ZFHX3: variants seen among roughly 807,000 people sequenced by gnomAD.
ZFHX3 encodes the protein zinc finger homeobox protein 3.
Under a neutral mutation model 279.1 loss-of-function variants are expected in ZFHX3, and 42 were observed. The observed-to-expected ratio is 0.15, with a 90% CI of 0.12 to 0.19. The LOEUF (loss-of-function observed/expected upper bound fraction) is 0.19, where lower values mean the gene tolerates loss of function less well. Ranked by LOEUF, ZFHX3 falls within the 10% of genes least tolerant of loss-of-function variation. The probability of loss-of-function intolerance (pLI) is 1.00; values close to 1 mark genes in which losing one functional copy is unlikely to be tolerated. For synonymous variants in ZFHX3, 2,293 were observed against 1,957.8 expected (o/e 1.17, Z -4.52); for missense variants, 4,981 against 4,754.0 (o/e 1.05, Z -1.40).
At chr16:72,874,197 G>A (rs971630732) in intron 4 of ZFHX3, among the ~76,000 whole-genome samples, 2 of 89,698 alleles carry the variant, frequency 2.2e-5, no homozygotes, top group Non-Finnish European at 4.1e-5. Flanking sequence ...AGGATTTTTT[G>A]ATTTTTTTTT....
intron 5 of ZFHX3, among the ~76,000 whole-genome samples, chr16:73,190,775 C>T (rs930168311): frequency 8.5e-5 from 13 of 152,140 alleles, no homozygotes; most frequent in African/African-American, 2.9e-4. Flanking sequence ...ATTAATCAGA[C>T]TCCAAGGTCA....
intron 1 of ZFHX3, among the ~76,000 whole-genome samples, chr16:73,709,676 A>G (rs2053338873): frequency 6.6e-6 from 1 of 152,204 alleles, no homozygotes; most frequent in Admixed American, 6.5e-5. Flanking sequence ...TCAGTTAGGA[A>G]GAATAACTTC....
rs1409651424 is a variant in ZFHX3, at chr16:72,795,133, G to A, written c.7549C>T (p.Pro2517Ser). Residue 2517 changes from proline (P) to serine (S), a missense_variant, in exon 9 of 10, where the codon CCT becomes TCT. Around this residue, in one of 7 missense-constraint regions of ZFHX3, gnomAD observed 744 missense variants for 701.3 expected, o/e 1.06. Coordinates refer to ENST00000268489, the MANE Select transcript of ZFHX3 (RefSeq NM_006885.4). Reference sequence around the variant, plus strand: ...GGAGGTAGGTTTGCGAGCTGTTGAGGAGTTGATGTGTGGAGGGGCTTGAGG... The same window carrying A: ...GGAGGTAGGTTTGCGAGCTGTTGAGAAGTTGATGTGTGGAGGGGCTTGAGG... ...LPLKPLHTST[P>S]QQLANLPPQL... 3 of 1,613,920 alleles carry A rather than the reference G, an allele frequency of 1.9e-6. No individual in the cohort carries two copies. Among genetic ancestry groups the A allele is most frequent in the South Asian group, 1.1e-5 (1 of 91,036 alleles).
intron 1 of ZFHX3, among the ~76,000 whole-genome samples, chr16:73,849,477 A>G (rs761912004): frequency 6.6e-6 from 1 of 152,210 alleles, no homozygotes; most frequent in Non-Finnish European, 1.5e-5. Context: ...GTGATCGATT[A>G]TACAATTTTA....
intron 2 of ZFHX3, among the ~76,000 whole-genome samples, chr16:73,480,619 G>A (rs2018849545): frequency 6.6e-6 from 1 of 152,102 alleles, no homozygotes; most frequent in Non-Finnish European, 1.5e-5. Flanking sequence ...CAATTGCCTG[G>A]CCATCCTGTT....
chr16:73,581,659 C>CCTTTTT (rs2051861771), intron 2 of ZFHX3, among the ~76,000 whole-genome samples: 1 of 73,428 alleles, frequency 1.4e-5, no homozygotes, highest in African/African-American at 5.7e-5. Flanking sequence ...TCGAATGTCT[C>CCTTTTT]TTTTTTTTTT....
chr16:72,836,232 G>C (rs1475161472), intron 4 of ZFHX3, among the ~76,000 whole-genome samples: 2 of 152,190 alleles, frequency 1.3e-5, no homozygotes, highest in African/African-American at 4.8e-5. Context: ...TTTCGAGCAA[G>C]TGGAGTCTCA....
chr16:73,789,097 C>G (rs1286428498), intron 1 of ZFHX3, among the ~76,000 whole-genome samples: 1 of 150,770 alleles, frequency 6.6e-6, no homozygotes, highest in Non-Finnish European at 1.5e-5. Context: ...ACAACATATA[C>G]AGATATCTTG....
chr16:73,738,521 C>T (rs758422846), intron 1 of ZFHX3, among the ~76,000 whole-genome samples: 4 of 152,220 alleles, frequency 2.6e-5, no homozygotes, highest in African/African-American at 9.6e-5. Flanking sequence ...AGTCGTGAGG[C>T]CACTCAACAC....
At chr16:73,798,080 A>T (rs998201120) in intron 1 of ZFHX3, among the ~76,000 whole-genome samples, 2 of 152,082 alleles carry the variant, frequency 1.3e-5, no homozygotes, top group Non-Finnish European at 2.9e-5. Flanking sequence ...AAGTGCTGAG[A>T]TTATATACAG....
intron 6 of ZFHX3, among the ~76,000 whole-genome samples, chr16:73,141,596 CTG>C (rs1026152904): frequency 6.6e-6 from 1 of 151,978 alleles, no homozygotes; most frequent in African/African-American, 2.4e-5. Flanking sequence ...CAGGGTCTTG[CTG>C]TGTTACCCAG....
chr16:73,630,303 C>A (rs949058601), intron 2 of ZFHX3, among the ~76,000 whole-genome samples: 1 of 152,196 alleles, frequency 6.6e-6, no homozygotes. Context: ...TTAATTTGAT[C>A]ATTTGGAGAG....
chr16:73,844,409 G>C (rs1299177233), intron 1 of ZFHX3, among the ~76,000 whole-genome samples: 2 of 152,280 alleles, frequency 1.3e-5, no homozygotes, highest in East Asian at 1.9e-4. Flanking sequence ...ATGAGAAAAG[G>C]AAGGAGACAA....
chr16:73,809,048 C>T (rs997196653), intron 1 of ZFHX3, among the ~76,000 whole-genome samples: 1 of 152,078 alleles, frequency 6.6e-6, no homozygotes, highest in Non-Finnish European at 1.5e-5. Context: ...TTGTAATAAG[C>T]AATAAGTGCA....
intron 1 of ZFHX3, among the ~76,000 whole-genome samples, chr16:73,041,816 A>G (rs1484176186): frequency 6.6e-6 from 1 of 152,244 alleles, no homozygotes; most frequent in Non-Finnish European, 1.5e-5. Flanking sequence ...GTCAAGGCCA[A>G]ATGTACATTA....
intron 1 of ZFHX3, among the ~76,000 whole-genome samples, chr16:73,744,435 T>C (rs1033545805): frequency 6.6e-6 from 1 of 152,204 alleles, no homozygotes; most frequent in African/African-American, 2.4e-5. Context: ...CTTTCAATTA[T>C]CTATTTCAGT....
At chr16:73,340,125 T>C (rs2016003810) in intron 3 of ZFHX3, among the ~76,000 whole-genome samples, 1 of 152,148 alleles carries the variant, frequency 6.6e-6, no homozygotes, top group Non-Finnish European at 1.5e-5. Flanking sequence ...TAGGGAAGAC[T>C]GATGCTCAGA....
intron 2 of ZFHX3, among the ~76,000 whole-genome samples, chr16:73,616,515 T>A (rs139044416): frequency 1.3e-4 from 19 of 151,500 alleles, no homozygotes; most frequent in African/African-American, 4.4e-4. Flanking sequence ...GGAAGCCAAT[T>A]TAAAAGCTTT....
At chr16:73,504,630 C>G (rs1164410456) in intron 2 of ZFHX3, 1 of 152,312 alleles carries the variant, frequency 6.6e-6, no homozygotes, top group African/African-American at 2.4e-5. Context: ...ACCTGGAGAG[C>G]ACATCGGACC....
Sources: gnomAD v4.1 joint callset for allele counts (sites outside exome capture counted in the v4.1 genomes callset) on GRCh38, gnomAD v4.1.1 for gene constraint, gnomAD v4.1.1 regional missense constraint, MANE v1.5 for transcripts, NCBI Gene and HGNC (gene_info 2026-07-23, HGNC 2026-07-21) for gene names.